ZC3H3: variants seen among roughly 807,000 people sequenced by gnomAD.
ZC3H3 encodes the protein zinc finger CCCH-type containing 3.
A neutral mutation model predicts 77.3 loss-of-function variants in ZC3H3; 36 were observed. That is an observed-to-expected ratio of 0.47 (90% CI 0.36 to 0.61). The LOEUF (loss-of-function observed/expected upper bound fraction) is 0.61, where lower values mean the gene tolerates loss of function less well. Ranked by LOEUF, ZC3H3 falls within the 20% of genes least tolerant of loss-of-function variation. ZC3H3 has a pLI of 0.00. For missense variants in ZC3H3, 1,331 were observed against 1,312.2 expected, an observed-to-expected ratio of 1.01 and a Z score of -0.22; for synonymous variants, 626 against 555.2, an observed-to-expected ratio of 1.13 and a Z score of -1.79.
intron 3 of ZC3H3, among the ~76,000 whole-genome samples, chr8:143,526,160 C>A (rs1372357269): frequency 2.0e-5 from 3 of 152,242 alleles, no homozygotes; most frequent in East Asian, 1.9e-4. Context: ...GTGGGAGAAC[C>A]CTGGAGAGAC....
intron 3 of ZC3H3, among the ~76,000 whole-genome samples, chr8:143,534,378 G>A (rs1389689634): frequency 4.0e-5 from 6 of 151,610 alleles, no homozygotes; most frequent in East Asian, 1.9e-4. Flanking sequence ...ATGGTCAGCC[G>A]GTGAAGCTGG....
intron 9 of ZC3H3, among the ~76,000 whole-genome samples, chr8:143,459,480 C>T (rs931947308): frequency 6.6e-6 from 1 of 151,940 alleles, no homozygotes; most frequent in Admixed American, 6.6e-5. Flanking sequence ...ACCTGGGAGG[C>T]GGAGTTTACA....
rs1299132011 is a variant in ZC3H3 at position 143,538,669 on chromosome 8, G to A, written c.698C>T (p.Ser233Phe). The change falls in exon 2 of 12, where the codon TCC becomes TTC. Residue 233 changes from serine (S) to phenylalanine (F), a missense_variant. This residue lies in a region of ZC3H3 where 978 missense variants were observed against 915.5 expected (regional missense o/e 1.07). Transcript: ENST00000262577. ...VIAVKASFPS[S>F]ALPPRTGVAL... ...CACGCCAGTGCGTGGGGGCAGAGCG[G>A]AGGATGGGAAGCTCGCCTTGACGGC... 2.1e-5 allele frequency: 34 copies of A among 1,608,288 alleles called. No individual in the cohort carries two copies. The highest frequency in any genetic ancestry group is 2.9e-5 in the Non-Finnish European group (34 of 1,179,934).
chr8:143,438,752 A>G (rs1046790787), intron 11 of ZC3H3, among the ~76,000 whole-genome samples: 84 of 152,248 alleles, frequency 5.5e-4, no homozygotes, highest in African/African-American at 1.8e-3. Flanking sequence ...CGCTGAATAG[A>G]GATGTCTCCG....
At position 143,538,263 on chromosome 8, in the gene ZC3H3, G is replaced by A. The variant is rs140804302; in HGVS notation, c.1104C>T (p.Ser368=). 6.2e-7 allele frequency: 1 copy of A among 1,612,934 alleles called. No homozygotes were observed. The highest frequency in any genetic ancestry group is 1.3e-5 in the African/African-American group (1 of 74,958). The part of the protein sequence containing the change: ...EPKPRKPATS[S]KPGSAPSKYK... ...ACTTGCTGGGGGCAGACCCTGGCTT[G>A]GAGGACGTGGCTGGCTTCCTGGGCT... The change falls in exon 2 of 12, where the codon TCC becomes TCT. Residue 368 remains serine, a synonymous_variant. Coordinates refer to ENST00000262577, the MANE Select transcript of ZC3H3 (RefSeq NM_015117.3).
At chr8:143,526,193 G>A (rs1169563146) in intron 3 of ZC3H3, among the ~76,000 whole-genome samples, 1 of 152,236 alleles carries the variant, frequency 6.6e-6, no homozygotes, top group African/African-American at 2.4e-5. Flanking sequence ...TTCTCTGTCT[G>A]CCATCAGGCA....
intron 8 of ZC3H3, among the ~76,000 whole-genome samples, chr8:143,466,835 C>G (rs1359607110): frequency 1.3e-5 from 2 of 152,202 alleles, no homozygotes; most frequent in East Asian, 3.9e-4. Flanking sequence ...CTACCCTTGT[C>G]CCCCTCCCCT....
At chr8:143,507,696 C>A in intron 4 of ZC3H3, 50 bp downstream of exon 4, 1 of 1,483,596 alleles carries the variant, frequency 6.7e-7, no homozygotes, top group East Asian at 2.4e-5. Flanking sequence ...AGGGCAGGGC[C>A]AGACAGCCCA....
chr8:143,535,430 G>A (rs1433415613), intron 3 of ZC3H3, among the ~76,000 whole-genome samples: 1 of 152,200 alleles, frequency 6.6e-6, no homozygotes, highest in Non-Finnish European at 1.5e-5. Context: ...AGATGTCACA[G>A]ACACGAGCTC....
In ZC3H3 at chr8:143,493,870, A is replaced by G. The variant is rs1350422305; in HGVS notation, c.1715+13876T>C. Among the ~76,000 whole-genome samples the G allele has an allele frequency of 6.6e-6, 1 of 152,252 alleles. No homozygotes were observed. Among genetic ancestry groups the G allele is most frequent in the African/African-American group, 2.4e-5 (1 of 41,474 alleles). ...AAATTGAAAACCCCCAACTGAATCA[A>G]TATTTACTGCATTGAAACGAAATGA... On this transcript the variant is annotated intron_variant, in intron 4 of 11. Transcript: ENST00000262577. This position sits in a 1 kb window ranked among gnomAD's most constrained non-coding sequence, Gnocchi z 4.8.
chr8:143,441,200 AG>A (rs1386776964), intron 9 of ZC3H3, 80 bp from the exon 10 acceptor site: 2 of 1,325,382 alleles, frequency 1.5e-6, no homozygotes, highest in Non-Finnish European at 9.6e-7. Context: ...GAGCCAGGCC[AG>A]GCCCCCCGAG....
intron 1 of ZC3H3, among the ~76,000 whole-genome samples, chr8:143,540,763 C>G (rs2130533054): frequency 6.6e-6 from 1 of 152,138 alleles, no homozygotes; most frequent in Non-Finnish European, 1.5e-5. Context: ...AGAGACCATC[C>G]TGGCCAACAT....
Position 143,507,792 on chromosome 8 carries a change from G to C in ZC3H3, c.1669C>G (p.Pro557Ala), listed in dbSNP as rs1464134723. The change falls in exon 4 of 12, where the codon CCC (proline) becomes GCC (alanine). Residue 557 changes from proline to alanine, a missense_variant. Transcript: ENST00000262577. ...GCCCGCCAGGAGGGCAGAGACAGGG[G>C]GAAGGGCGGGGCGCTGAGAGGCGAG... ...PASPLSAPPF[P>A]LSLPSWRARR... The C allele has an allele frequency of 3.7e-6, 6 of 1,603,512 alleles. No homozygotes were observed. The highest frequency in any genetic ancestry group is 5.1e-6 in the Non-Finnish European group (6 of 1,176,866).
At chr8:143,473,738 A>C (rs889576197) in intron 5 of ZC3H3, among the ~76,000 whole-genome samples, 1 of 152,208 alleles carries the variant, frequency 6.6e-6, no homozygotes. Context: ...CTGGGGGTCA[A>C]GCACGATGTC....
At chr8:143,540,062 G>A (rs1196930031) in intron 1 of ZC3H3, among the ~76,000 whole-genome samples, 3 of 152,242 alleles carry the variant, frequency 2.0e-5, no homozygotes, top group African/African-American at 4.8e-5. Flanking sequence ...GCCACGTCCA[G>A]ACGTGTTGAC....
intron 4 of ZC3H3, chr8:143,484,752 C>A: frequency 2.9e-6 from 1 of 341,690 alleles, no homozygotes; most frequent in South Asian, 2.2e-5. Context: ...GAGGGGCAGG[C>A]TGGCCAGGAA....
chr8:143,475,529 G>A lies in ZC3H3; in HGVS notation c.1772C>T (p.Pro591Leu), dbSNP rs147928863. ...PVASGGGKAQPGSPWWRSKGY... is the reference protein window; with the variant it reads ...PVASGGGKAQLGSPWWRSKGY... The stretch of plus-strand genomic sequence containing the variant: ...TTTGCTCCGCCACCAAGGGGAGCCC[G>A]GTTGGGCTTTCCCACCCCCGCTGGC... Residue 591 changes from proline to leucine, a missense_variant, in exon 5 of 12, where the codon CCG becomes CTG. Pro to Leu is a moderately conservative substitution (Grantham distance 98). Around this residue, in one of 3 missense-constraint regions of ZC3H3, gnomAD observed 978 missense variants for 915.5 expected, o/e 1.07. Coordinates refer to ENST00000262577, the MANE Select transcript of ZC3H3 (RefSeq NM_015117.3). The A allele has an allele frequency of 3.0e-5, 48 of 1,611,096 alleles. No individual in the cohort carries two copies. The highest frequency in any genetic ancestry group is 1.1e-4 in the South Asian group (10 of 90,672).
chr8:143,475,393 C>T lies in ZC3H3; in HGVS notation c.1903+5G>A. ...TCTCCCAGCGCCCCCGCCCTCACCT[C>T]TCACCTGTGCGCAGGAGGGGCCTGC... is the stretch of plus-strand genomic sequence containing the variant. On this transcript the variant is annotated splice_donor_5th_base_variant and intron_variant, in intron 5 of 11. Transcript: ENST00000262577. 1 of 1,611,960 alleles carries T rather than the reference C, an allele frequency of 6.2e-7. No homozygotes were observed. The highest frequency in any genetic ancestry group is 8.5e-7 in the Non-Finnish European group (1 of 1,179,440).
At chr8:143,498,967 G>A (rs1012614555) in intron 4 of ZC3H3, among the ~76,000 whole-genome samples, 12 of 151,370 alleles carry the variant, frequency 7.9e-5, no homozygotes, top group Non-Finnish European at 1.6e-4. Flanking sequence ...GGGGAAGAGG[G>A]GCACAGGGCG....
Sources: allele counts gnomAD v4.1 joint callset (sites outside exome capture counted in the v4.1 genomes callset), GRCh38; gene constraint gnomAD v4.1.1; regional missense constraint gnomAD v4.1.1; non-coding constraint Gnocchi (gnomAD v3.1); transcripts MANE v1.5; gene names NCBI Gene and HGNC (gene_info 2026-07-23, HGNC 2026-07-21).